GNAO1: variants seen among roughly 807,000 people sequenced by gnomAD.
The protein encoded by GNAO1 is G protein subunit alpha o1, also known as guanine nucleotide-binding protein G(o) subunit alpha.
For synonymous variants in GNAO1, 164 were observed against 180.7 expected (o/e 0.91, Z 0.74); for missense variants, 166 against 478.7 (o/e 0.35, Z 6.10).
intron 3 of GNAO1, among the ~76,000 whole-genome samples, chr16:56,279,346 C>T (rs1345671798): frequency 1.3e-5 from 2 of 152,290 alleles, no homozygotes; most frequent in Non-Finnish European, 2.9e-5. Flanking sequence ...CGTGACTGTG[C>T]GTGAGCCTGA....
At chr16:56,254,424 A>T (rs1025335003) in intron 2 of GNAO1, among the ~76,000 whole-genome samples, 5 of 152,182 alleles carry the variant, frequency 3.3e-5, no homozygotes, top group African/African-American at 1.2e-4. Flanking sequence ...CATCACAAAC[A>T]TCTGTATCCT....
At position 56,344,717 on chromosome 16, in the gene GNAO1, C is replaced by T. The variant is rs150167061; in HGVS notation, c.724-6667C>T. 1,292 of 985,486 alleles carry T rather than the reference C, an allele frequency of 1.3e-3. 15 individuals carry two copies. In the African/African-American group the frequency reaches 0.02, roughly 16 times the overall value. 61.0% of individuals were successfully genotyped at this position (985,486 alleles called of 1,614,324 possible). On this transcript the variant is annotated intron_variant, in intron 6 of 8. Coordinates refer to ENST00000262493, the MANE Select transcript of GNAO1 (RefSeq NM_020988.3). ...CTGTGTCACCTGGGCTGGGGCCTCC[C>T]GCCCAGTCCTCGCAGGCCAAAGGGT...
rs184138266 is a variant in GNAO1 at position 56,269,074 on chromosome 16, A to G, written c.162-6857A>G. Among the ~76,000 whole-genome samples the G allele has an allele frequency of 9.1e-3, 1,353 of 149,486 alleles. 40 individuals carry two copies. Among genetic ancestry groups the G allele is most frequent in the South Asian group, 0.057 (276 of 4,816 alleles). On this transcript the variant is annotated intron_variant, in intron 2 of 8. Transcript: ENST00000262493. ...AAGCACTGGGCCCTGACCCTAACCC[A>G]GGCAGCCACAGCACAGCTCTCCGTC...
intron 3 of GNAO1, among the ~76,000 whole-genome samples, chr16:56,300,008 C>CGTGTGTGTGTGTGTGTGTGTGT (rs71381116): frequency 1.1e-3 from 139 of 129,724 alleles, no homozygotes; most frequent in East Asian, 4.9e-3. Context: ...GATTGGGGTT[C>CGTGTGTGTGTGTGTGTGTGTGT]GTGTGTGTGT....
chr16:56,304,836 G>A (rs1432868725), intron 3 of GNAO1, among the ~76,000 whole-genome samples: 2 of 152,208 alleles, frequency 1.3e-5, no homozygotes, highest in South Asian at 2.1e-4. Flanking sequence ...ATGCCTACAC[G>A]TGCAGTCTGC....
rs1328302826 is a variant in GNAO1 at position 56,326,403 on chromosome 16, G to A, written c.304-2228G>A. Reference sequence around the variant, plus strand: ...TGTCTGGTGCCTGGGCTGAGACAGGGGCTTGCTGTCCTCAAGACAGCTTCT... The same window carrying A: ...TGTCTGGTGCCTGGGCTGAGACAGGAGCTTGCTGTCCTCAAGACAGCTTCT... On this transcript the variant is annotated intron_variant, in intron 3 of 8. Transcript: ENST00000262493. The surrounding 1 kb of genome is among the most constrained non-coding windows in gnomAD (Gnocchi z 4.8). 6.6e-6 allele frequency among the ~76,000 whole-genome samples: 1 copy of A among 152,192 alleles called. No homozygotes were observed. Among genetic ancestry groups the A allele is most frequent in the Non-Finnish European group, 1.5e-5 (1 of 68,024 alleles).
At chr16:56,248,188 A>G (rs2143447776) in intron 2 of GNAO1, among the ~76,000 whole-genome samples, 1 of 152,374 alleles carries the variant, frequency 6.6e-6, no homozygotes, top group South Asian at 2.1e-4. Flanking sequence ...GTGCTGTCTT[A>G]ACATTTAGAG....
At chr16:56,330,509 G>A (rs747703748) in intron 4 of GNAO1, among the ~76,000 whole-genome samples, 1 of 152,088 alleles carries the variant, frequency 6.6e-6, no homozygotes. Flanking sequence ...GCAGAGGGAT[G>A]TAAAATGAGA....
chr16:56,300,062 T>C (rs1158094997), intron 3 of GNAO1, among the ~76,000 whole-genome samples: 2 of 76,056 alleles, frequency 2.6e-5, no homozygotes, highest in Non-Finnish European at 5.0e-5. Context: ...CACGCACATG[T>C]GCTTGTGAGT....
intron 2 of GNAO1, among the ~76,000 whole-genome samples, chr16:56,250,361 C>G (rs1272757102): frequency 6.6e-6 from 1 of 152,198 alleles, no homozygotes; most frequent in Admixed American, 6.5e-5. Flanking sequence ...GAACTGTAAG[C>G]CTTGGCCAAT....
chr16:56,340,487 C>T (rs779840565), intron 6 of GNAO1: 4 of 232,328 alleles, frequency 1.7e-5, no homozygotes, highest in Non-Finnish European at 2.5e-5. Flanking sequence ...GTGGTGGTTG[C>T]GGCCCCTGCG....
intron 3 of GNAO1, among the ~76,000 whole-genome samples, chr16:56,294,341 T>TAGCAAA: frequency 7.5e-6 from 1 of 133,640 alleles, no homozygotes; most frequent in South Asian, 2.4e-4. Flanking sequence ...GGCTTTGCTT[T>TAGCAAA]AAAAAAAAAA....
chr16:56,265,431 G>C (rs2036942292), intron 2 of GNAO1, among the ~76,000 whole-genome samples: 1 of 152,192 alleles, frequency 6.6e-6, no homozygotes, highest in Admixed American at 6.5e-5. Context: ...AATGAAGAAA[G>C]CACTTCATAA....
At chr16:56,205,616 C>T (rs900215113) in intron 2 of GNAO1, among the ~76,000 whole-genome samples, 11 of 152,150 alleles carry the variant, frequency 7.2e-5, no homozygotes, top group African/African-American at 1.9e-4. Context: ...CTTAGAGTTT[C>T]GACCACATGG....
At chr16:56,202,106 AG>A (rs199790575) in intron 2 of GNAO1, among the ~76,000 whole-genome samples, 2,627 of 152,310 alleles carry the variant, frequency 0.017, 46 homozygotes, top group South Asian at 0.051. Flanking sequence ...GAAACTGAGA[AG>A]GGGTGATCTG....
chr16:56,287,330 G>A (rs931266172), intron 3 of GNAO1, among the ~76,000 whole-genome samples: 3 of 152,228 alleles, frequency 2.0e-5, no homozygotes, highest in African/African-American at 2.4e-5. Flanking sequence ...CCCAGAGGGC[G>A]GGCAGCAGGA....
At chr16:56,346,887 C>T in intron 6 of GNAO1, 2 of 985,482 alleles carry the variant, frequency 2.0e-6, no homozygotes, top group Non-Finnish European at 2.4e-6. Context: ...GCAGGGAAGG[C>T]CAAGGGATGG....
chr16:56,236,045 G>T (rs1479624511), intron 2 of GNAO1, among the ~76,000 whole-genome samples: 1 of 152,156 alleles, frequency 6.6e-6, no homozygotes, highest in Non-Finnish European at 1.5e-5. Context: ...TGGGTACCAG[G>T]TCTCCACTCA....
At chr16:56,269,249 C>T (rs551484223) in intron 2 of GNAO1, among the ~76,000 whole-genome samples, 3 of 152,288 alleles carry the variant, frequency 2.0e-5, no homozygotes, top group East Asian at 3.9e-4. Context: ...CCCTCTGCCG[C>T]TCTTCTTTTC....
Sources: allele counts gnomAD v4.1 joint callset (sites outside exome capture counted in the v4.1 genomes callset), GRCh38; gene constraint gnomAD v4.1.1; non-coding constraint Gnocchi (gnomAD v3.1); transcripts MANE v1.5; gene names NCBI Gene and HGNC (gene_info 2026-07-23, HGNC 2026-07-21).